FBXO27: variants seen among roughly 807,000 people sequenced by gnomAD.
The protein encoded by FBXO27 is F-box protein 27, also known as F-box only protein 27.
In FBXO27, 28 loss-of-function variants were observed where a neutral mutation model predicts 28.3. That is an observed-to-expected ratio of 0.99 (90% confidence interval 0.73 to 1.36). FBXO27 has a LOEUF of 1.36. FBXO27 is among the 40% of genes most tolerant of loss of function. The pLI, the probability that FBXO27 is intolerant of heterozygous loss-of-function variation, is 0.00. For synonymous variants in FBXO27, 175 were observed against 167.3 expected, an observed-to-expected ratio of 1.05 and a Z score of -0.36; for missense variants, 388 against 394.1, an observed-to-expected ratio of 0.98 and a Z score of 0.13.
chr19:39,008,476 A>G (rs900960968), intron 2 of FBXO27, among the ~76,000 whole-genome samples: 3 of 151,986 alleles, frequency 2.0e-5, no homozygotes, highest in African/African-American at 7.2e-5. Flanking sequence ...ATAACTTTAG[A>G]TTTTTTTCCA....
In FBXO27 at chr19:39,025,434, T is replaced by C. The variant is rs770688848; in HGVS notation, c.829A>G (p.Ile277Val). The C allele has an allele frequency of 6.8e-6, 11 of 1,613,772 alleles. No individual in the cohort carries two copies. The South Asian group carries it at 7.7e-5, about 11-fold the overall frequency. The change falls in exon 6 of 6, where the codon ATC becomes GTC. Residue 277 changes from isoleucine (I) to valine (V), a missense_variant. Ile to Val is a conservative substitution (Grantham distance 29). Transcript: ENST00000292853. ...YGARVTNSSV[I>V]VRVRLS ...GACTAGGACAGACGGACTCGCACGA[T>C]CACACTGGAGTTGGTCACACGGGCT...
intron 4 of FBXO27, among the ~76,000 whole-genome samples, chr19:39,029,362 G>C (rs1392950574): frequency 6.7e-6 from 1 of 148,206 alleles, no homozygotes; most frequent in Non-Finnish European, 1.5e-5. Context: ...GGGAGGTAGA[G>C]GTTGCAGTGA....
rs1242815388 is a variant in FBXO27 at position 39,032,014 on chromosome 19, C to T, written c.214G>A (p.Ala72Thr). 6.6e-7 allele frequency: 1 copy of T among 1,524,034 alleles called. No homozygotes were observed. Among genetic ancestry groups the T allele is most frequent in the South Asian group, 1.2e-5 (1 of 80,820 alleles). The allele number at this position is 1,524,034 out of a possible 1,614,324, so 94.4% of individuals were successfully genotyped here. A position where few individuals can be genotyped will look rare whatever the true frequency, so the allele number is the denominator to read the frequency against. Reference sequence around the variant, plus strand: ...CGGCCGGTGGCGCCGTGGTCGCGGGCCAGGATCAGCAGCCACAGGGCCTGG... The same window carrying T: ...CGGCCGGTGGCGCCGTGGTCGCGGGTCAGGATCAGCAGCCACAGGGCCTGG... ...DGQALWLLIL[A>T]RDHGATGRAL... Residue 72 changes from alanine (A) to threonine (T), a missense_variant, in exon 2 of 6, where the codon GCC becomes ACC. Ala to Thr is a moderately conservative substitution (Grantham distance 58, BLOSUM62 0). Coordinates refer to ENST00000292853, the MANE Select transcript of FBXO27 (RefSeq NM_178820.5). The surrounding 1 kb of genome is among the most constrained non-coding windows in gnomAD (Gnocchi z 4.7).
downstream of FBXO27, among the ~76,000 whole-genome samples, chr19:39,021,626 C>A (rs1412734526): frequency 1.3e-5 from 2 of 151,964 alleles, no homozygotes; most frequent in Non-Finnish European, 2.9e-5. Flanking sequence ...CAACAGTAGG[C>A]TATTAGTAGT....
At chr19:39,021,440 T>C (rs765723129), downstream of FBXO27, among the ~76,000 whole-genome samples, 37 of 152,170 alleles carry the variant, frequency 2.4e-4, no homozygotes, top group Non-Finnish European at 4.6e-4. Context: ...GGATGAAGAC[T>C]TTTATGATGA....
chr19:39,026,473 A>T (rs1444850554), intron 5 of FBXO27, among the ~76,000 whole-genome samples: 1 of 151,876 alleles, frequency 6.6e-6, no homozygotes, highest in Non-Finnish European at 1.5e-5. Context: ...TAGTCAAATG[A>T]CTGTCATTGA....
chr19:39,031,753 G>GCACTGC (rs2072905774), intron 2 of FBXO27, 111 bp downstream of exon 2: 18 of 1,110,638 alleles, frequency 1.6e-5, no homozygotes, highest in Non-Finnish European at 2.0e-5. Flanking sequence ...TCCCACTGCG[G>GCACTGC]CCCTGCCCCT....
chr19:39,022,583 A>G (rs368802573), downstream of FBXO27, among the ~76,000 whole-genome samples: 2 of 151,988 alleles, frequency 1.3e-5, no homozygotes. Flanking sequence ...AGTAGCTGGG[A>G]CTACAGACGT....
chr19:39,007,915 G>A (rs1368301713), intron 2 of FBXO27, among the ~76,000 whole-genome samples: 1 of 151,730 alleles, frequency 6.6e-6, no homozygotes, highest in African/African-American at 2.4e-5. Flanking sequence ...GCCTCCCAAA[G>A]TGCTGGGATT....
chr19:39,014,193 A>T (rs1423565783), intron 2 of FBXO27, among the ~76,000 whole-genome samples: 1 of 152,180 alleles, frequency 6.6e-6, no homozygotes. Flanking sequence ...GCACATGCTG[A>T]GACTGAAACA....
chr19:39,018,885 G>A (rs915514895), intron 1 of FBXO27, among the ~76,000 whole-genome samples: 3 of 151,416 alleles, frequency 2.0e-5, no homozygotes, highest in East Asian at 3.9e-4. Flanking sequence ...CCTGGCCAAC[G>A]TGGCGAAACC....
chr19:39,021,393 G>C (rs940729858), downstream of FBXO27, among the ~76,000 whole-genome samples: 2 of 152,048 alleles, frequency 1.3e-5, no homozygotes, highest in African/African-American at 4.8e-5. Flanking sequence ...AGCAAGACCA[G>C]CCCTCCTCTT....
rs921805309 is a variant in FBXO27, at chr19:39,032,529, G to C, written c.-53C>G. ...CCGGGGCCTGGCGGCGCTCCTCGCC[G>C]GGATGCCCTAGCTGTGCCGCAAGCT... On this transcript the variant is annotated 5_prime_UTR_variant, in exon 1 of 6. Coordinates refer to ENST00000292853, the MANE Select transcript of FBXO27 (RefSeq NM_178820.5). This position sits in a 1 kb window ranked among gnomAD's most constrained non-coding sequence, Gnocchi z 4.7. 8.6e-6 allele frequency: 3 copies of C among 348,330 alleles called. No homozygotes were observed. The highest frequency in any genetic ancestry group is 1.6e-5 in the Non-Finnish European group (3 of 192,966). The allele number at this position is 348,330 out of a possible 1,614,324, so 21.6% of individuals were successfully genotyped here.
At chr19:39,015,366 C>T (rs566258510) in intron 1 of FBXO27, among the ~76,000 whole-genome samples, 7 of 145,452 alleles carry the variant, frequency 4.8e-5, no homozygotes, top group Middle Eastern at 3.7e-3. Context: ...TGTGGTGGCT[C>T]ATGCCTGTAA....
intron 2 of FBXO27, 123 bp downstream of exon 2, chr19:39,031,741 G>A: frequency 7.4e-7 from 1 of 1,357,832 alleles, no homozygotes; most frequent in Non-Finnish European, 9.5e-7. Context: ...TCCTCCCACC[G>A]GTCCCACTGC....
intron 2 of FBXO27, 78 bp from the exon 3 acceptor site, chr19:39,031,398 C>T: frequency 2.3e-6 from 3 of 1,303,590 alleles, no homozygotes; most frequent in East Asian, 2.4e-5. Flanking sequence ...CCCCTAGCCC[C>T]TCCCACGTGC....
At chr19:39,012,147 A>G (rs1600222640) in intron 2 of FBXO27, among the ~76,000 whole-genome samples, 1 of 138,278 alleles carries the variant, frequency 7.2e-6, no homozygotes, top group Non-Finnish European at 1.6e-5. Context: ...CCTGATTTTC[A>G]ATATTGATTT....
At chr19:39,018,968 T>C (rs1040510256) in intron 1 of FBXO27, among the ~76,000 whole-genome samples, 2 of 146,784 alleles carry the variant, frequency 1.4e-5, no homozygotes, top group South Asian at 2.2e-4. Flanking sequence ...ACTTGGGAGG[T>C]TGAGACACAA....
chr19:39,026,383 G>T (rs959716650), intron 5 of FBXO27, among the ~76,000 whole-genome samples: 1 of 152,196 alleles, frequency 6.6e-6, no homozygotes, highest in Admixed American at 6.6e-5. Flanking sequence ...GAATGTCACT[G>T]TCTGAACGCT....
Sources: allele counts gnomAD v4.1 joint callset (sites outside exome capture counted in the v4.1 genomes callset), GRCh38; gene constraint gnomAD v4.1.1; non-coding constraint Gnocchi (gnomAD v3.1); transcripts MANE v1.5; gene names NCBI Gene and HGNC (gene_info 2026-07-23, HGNC 2026-07-21).